GCN1: variants seen among roughly 807,000 people sequenced by gnomAD.
The protein encoded by GCN1 is GCN1 activator of EIF2AK4, also known as stalled ribosome sensor GCN1.
A neutral mutation model predicts 288.4 loss-of-function variants in GCN1; 90 were observed. The observed-to-expected ratio is 0.31, with a 90% CI of 0.26 to 0.37. GCN1 has a LOEUF of 0.37. Ranked by LOEUF, GCN1 falls within the 10% of genes least tolerant of loss-of-function variation. The probability of loss-of-function intolerance (pLI) is 1.00; values close to 1 mark genes in which losing one functional copy is unlikely to be tolerated. For synonymous variants in GCN1, 1,386 were observed against 1,420.2 expected, an observed-to-expected ratio of 0.98 and a Z score of 0.54; for missense variants, 2,586 against 3,419.9, an observed-to-expected ratio of 0.76 and a Z score of 6.08.
Position 120,144,851 on chromosome 12 carries a change from G to A in GCN1, c.5156-16C>T, listed in dbSNP as rs1374083614. 6 of 1,614,096 alleles carry A rather than the reference G, an allele frequency of 3.7e-6. No individual in the cohort carries two copies. In the South Asian group the frequency reaches 4.4e-5, roughly 12 times the overall value. On this transcript the variant is annotated splice_polypyrimidine_tract_variant and intron_variant, in intron 40 of 57. Transcript: ENST00000300648. This position sits in a 1 kb window ranked among gnomAD's most constrained non-coding sequence, Gnocchi z 4.7. ...TCAGCCAACCCTGCAACAAAGGACAGAATGAGTCCACTGGATCTGAGGGCC... is the reference window on the plus strand; with the variant it reads ...TCAGCCAACCCTGCAACAAAGGACAAAATGAGTCCACTGGATCTGAGGGCC...
At chr12:120,160,884 A>T (rs372939009) in intron 22 of GCN1, among the ~76,000 whole-genome samples, 27 of 152,362 alleles carry the variant, frequency 1.8e-4, no homozygotes, top group Non-Finnish European at 3.4e-4. Context: ...AAATGTTAGT[A>T]AAGAAACAAA....
In GCN1 at chr12:120,153,832, A is replaced by C. The variant is rs1877651161; in HGVS notation, c.3779T>G (p.Phe1260Cys). ...TCGGTCATTGAGGGCATCAGGGACA[A>C]AAAACTGAAAGAGTGGCTTCACCTG... Reference protein sequence around the residue: ...SSQVKPLFQFFVPDALNDRHP... With the variant: ...SSQVKPLFQFCVPDALNDRHP... The change falls in exon 32 of 58, where the codon TTT becomes TGT. Residue 1260 changes from phenylalanine (F) to cysteine (C), a missense_variant. Phe to Cys is a radical substitution (Grantham distance 205). Transcript: ENST00000300648. The surrounding 1 kb of genome is among the most constrained non-coding windows in gnomAD (Gnocchi z 4.4). The C allele has an allele frequency of 6.2e-7, 1 of 1,614,068 alleles. No individual in the cohort carries two copies. Among genetic ancestry groups the C allele is most frequent in the African/African-American group, 1.3e-5 (1 of 74,942 alleles).
intron 56 of GCN1, among the ~76,000 whole-genome samples, chr12:120,130,225 GC>G (rs1876771746): frequency 1.3e-5 from 2 of 152,188 alleles, no homozygotes; most frequent in Admixed American, 1.3e-4. Context: ...AGCCCTGCTG[GC>G]ACATTCCTTG....
intron 24 of GCN1, among the ~76,000 whole-genome samples, chr12:120,159,110 G>C (rs1426387762): frequency 1.3e-5 from 2 of 152,174 alleles, no homozygotes; most frequent in Non-Finnish European, 2.9e-5. Context: ...TAGGCAGAGA[G>C]TTGCCCTTTG....
rs896430986 is a variant in GCN1, at chr12:120,144,186, G to A, written c.5495+120C>T. ...AGACAGGGTCTCACTATGTTGCCAG[G>A]GCTCATCGTAAACTCCTGGGTTTAA... On this transcript the variant is annotated intron_variant, in intron 42 of 57. Coordinates refer to ENST00000300648, the MANE Select transcript of GCN1 (RefSeq NM_006836.2). The surrounding 1 kb of genome is among the most constrained non-coding windows in gnomAD (Gnocchi z 4.7). 10 of 1,074,234 alleles carry A rather than the reference G, an allele frequency of 9.3e-6. No individual in the cohort carries two copies. The highest frequency in any genetic ancestry group is 1.4e-5 in the Non-Finnish European group (10 of 710,952). The allele number at this position is 1,074,234 out of a possible 1,614,324, so 66.5% of individuals were successfully genotyped here.
chr12:120,136,705 G>A lies in GCN1; in HGVS notation c.6805C>T (p.Arg2269Trp). ...GGGCTGCCAGTCAGGACTCCTTCCC[G>A]CAACACTGGAAGGATGGAGGTCACT... ...KGVTSILPVL[R>W]EGVLTGSPEQ... Residue 2269 changes from arginine (R) to tryptophan (W), a missense_variant, in exon 51 of 58, where the codon CGG (arginine) becomes TGG (tryptophan). Around this residue, in one of 8 missense-constraint regions of GCN1, gnomAD observed 437 missense variants for 570.5 expected, o/e 0.77. Coordinates refer to ENST00000300648, the MANE Select transcript of GCN1 (RefSeq NM_006836.2). The A allele has an allele frequency of 6.2e-7, 1 of 1,613,660 alleles. No individual in the cohort carries two copies. The highest frequency in any genetic ancestry group is 1.1e-5 in the South Asian group (1 of 91,078).
chr12:120,184,383 G>A (rs1308647749), intron 3 of GCN1, 140 bp from the exon 4 acceptor site: 2 of 711,984 alleles, frequency 2.8e-6, no homozygotes, highest in Admixed American at 5.8e-5. Context: ...AAGGGATTAG[G>A]AAATAACTAG....
rs547624478 is a variant in GCN1, at chr12:120,155,145, A to T, written c.3630+96T>A. 3.3e-6 allele frequency: 5 copies of T among 1,521,584 alleles called. No individual in the cohort carries two copies. In the South Asian group the frequency reaches 5.6e-5, roughly 17 times the overall value. 94.3% of individuals were successfully genotyped at this position (1,521,584 alleles called of 1,614,324 possible). ...GCCGCAGCTACCCTGAGCCACCGTG[A>T]GCCCCGAGATTCCTGTCTGGAGCAG... On this transcript the variant is annotated intron_variant, in intron 30 of 57. Transcript: ENST00000300648. This position sits in a 1 kb window ranked among gnomAD's most constrained non-coding sequence, Gnocchi z 4.9.
intron 31 of GCN1, among the ~76,000 whole-genome samples, chr12:120,154,453 C>T (rs761974160): frequency 7.2e-5 from 11 of 152,200 alleles, no homozygotes; most frequent in Non-Finnish European, 1.5e-4. Flanking sequence ...AACACCCTTG[C>T]GTGTTTTGAG....
At chr12:120,184,722 T>C in intron 3 of GCN1, 102 bp downstream of exon 3, 1 of 843,206 alleles carries the variant, frequency 1.2e-6, no homozygotes, top group South Asian at 1.3e-5. Flanking sequence ...TAGCCCAGAT[T>C]TGGCACCAGG....
At chr12:120,136,443 T>A in intron 51 of GCN1, 59 bp downstream of exon 51, 1 of 1,303,006 alleles carries the variant, frequency 7.7e-7, no homozygotes, top group Non-Finnish European at 1.1e-6. Flanking sequence ...ACACCTTGTA[T>A]CAGGCTCCTG....
intron 2 of GCN1, among the ~76,000 whole-genome samples, chr12:120,188,844 G>A (rs7978175): frequency 0.21 from 30,901 of 144,502 alleles, 3,887 homozygotes; most frequent in East Asian, 0.56. Flanking sequence ...GTGAGACTCC[G>A]TCTCAAAAAA....
At position 120,153,067 on chromosome 12, in the gene GCN1, CCCTGCGAGAGGGGGTGAAT is replaced by C; in HGVS notation, c.4062+127_4062+145del. ...GTTCCTGACTATAAACCAGGCTCTC[CCCTGCGAGAGGGGGTGAAT>C]CCTTAACAAGAACTGGGCTTTCAGG... On this transcript the variant is annotated intron_variant, in intron 33 of 57. Coordinates refer to ENST00000300648, the MANE Select transcript of GCN1 (RefSeq NM_006836.2). This position sits in a 1 kb window ranked among gnomAD's most constrained non-coding sequence, Gnocchi z 4.4. The C allele has an allele frequency of 1.5e-6, 1 of 650,816 alleles. No individual in the cohort carries two copies. The highest frequency in any genetic ancestry group is 2.6e-6 in the Non-Finnish European group (1 of 378,112). 40.3% of individuals were successfully genotyped at this position (650,816 alleles called of 1,614,324 possible).
At chr12:120,190,042 T>C (rs1052961642) in intron 2 of GCN1, among the ~76,000 whole-genome samples, 13 of 151,582 alleles carry the variant, frequency 8.6e-5, no homozygotes, top group African/African-American at 3.1e-4. Context: ...ACACTGTCAT[T>C]CGAGAAACCC....
chr12:120,156,323 C>G lies in GCN1; in HGVS notation c.3312+138G>C. The G allele has an allele frequency of 2.6e-6, 2 of 775,938 alleles. No individual in the cohort carries two copies. The highest frequency in any genetic ancestry group is 4.2e-6 in the Non-Finnish European group (2 of 476,788). The allele number at this position is 775,938 out of a possible 1,614,324, so 48.1% of individuals were successfully genotyped here. A position where few individuals can be genotyped will look rare whatever the true frequency, so the allele number is the denominator to read the frequency against. ...TTAGTGTTCTGATTCTCAGAGAGAC[C>G]CCAACCATGTGACTTCTTCTCTTTG... On this transcript the variant is annotated intron_variant, in intron 28 of 57. Transcript: ENST00000300648. The surrounding 1 kb of genome is among the most constrained non-coding windows in gnomAD (Gnocchi z 5.8).
At chr12:120,185,277 C>T (rs1160585690) in intron 2 of GCN1, among the ~76,000 whole-genome samples, 1 of 151,996 alleles carries the variant, frequency 6.6e-6, no homozygotes, top group Non-Finnish European at 1.5e-5. Context: ...TTCTAATAAA[C>T]GGTTTAAAAA....
rs371736210 is a variant in GCN1 at position 120,129,390 on chromosome 12, G to C, written c.7776C>G (p.Pro2592=). The change falls in exon 57 of 58, where the codon CCC becomes CCG. Residue 2592 remains proline (P), a synonymous_variant. Coordinates refer to ENST00000300648, the MANE Select transcript of GCN1 (RefSeq NM_006836.2). Reference sequence around the variant, plus strand: ...TGTTGTCAAGAAGAGCCTTCAGGATGGGCTTGATGGCCTGGGGGTCCAGGG... The same window carrying C: ...TGTTGTCAAGAAGAGCCTTCAGGATCGGCTTGATGGCCTGGGGGTCCAGGG... ...LPPLDPQAIK[P]ILKALLDNTK... The C allele has an allele frequency of 1.2e-6, 2 of 1,613,760 alleles. No homozygotes were observed. Among genetic ancestry groups the C allele is most frequent in the Admixed American group, 3.3e-5 (2 of 60,026 alleles).
chr12:120,171,600 T>C (rs965660876), intron 14 of GCN1, among the ~76,000 whole-genome samples: 1 of 152,208 alleles, frequency 6.6e-6, no homozygotes, highest in African/African-American at 2.4e-5. Context: ...TCCCAGATAA[T>C]GTTTTATACT....
rs776513931 is a variant in GCN1 at position 120,134,634 on chromosome 12, G to A, written c.7101C>T (p.Ala2367=). Residue 2367 remains alanine, a synonymous_variant, in exon 52 of 58, where the codon GCC becomes GCT. Coordinates refer to ENST00000300648, the MANE Select transcript of GCN1 (RefSeq NM_006836.2). This position sits in a 1 kb window ranked among gnomAD's most constrained non-coding sequence, Gnocchi z 5.0. ...QDSNRGVRLK[A]ADALGKLISI... ...AAATGAGCTTCCCCAGAGCATCTGC[G>A]GCCTTCAGGCGCACCCCCCGGTTGG... 1.2e-5 allele frequency: 19 copies of A among 1,613,912 alleles called. No individual in the cohort carries two copies. Among genetic ancestry groups the A allele is most frequent in the East Asian group, 2.2e-5 (1 of 44,896 alleles).
Sources: allele counts gnomAD v4.1 joint callset (sites outside exome capture counted in the v4.1 genomes callset), GRCh38; gene constraint gnomAD v4.1.1; regional missense constraint gnomAD v4.1.1; non-coding constraint Gnocchi (gnomAD v3.1); transcripts MANE v1.5; gene names NCBI Gene and HGNC (gene_info 2026-07-23, HGNC 2026-07-21).